The following C15orf39 variants were observed in gnomAD, a reference collection of about 807,000 sequenced individuals.
C15orf39 encodes the protein PRMT2 interacting protein.
Under a neutral mutation model 53.9 loss-of-function variants are expected in C15orf39, and 24 were observed. That is an observed-to-expected ratio of 0.45 (90% confidence interval 0.32 to 0.63). The LOEUF is 0.63. C15orf39 is among the 20% of genes least tolerant of loss of function. C15orf39 has a pLI of 0.04. For synonymous variants in C15orf39, 569 were observed against 576.5 expected (o/e 0.99, Z 0.19); for missense variants, 1,271 against 1,347.9 (o/e 0.94, Z 0.89).
Position 75,206,479 on chromosome 15 carries a change from C to T in C15orf39, c.431C>T (p.Thr144Ile). 1 of 1,614,106 alleles carries T rather than the reference C, an allele frequency of 6.2e-7. No individual in the cohort carries two copies. The highest frequency in any genetic ancestry group is 8.5e-7 in the Non-Finnish European group (1 of 1,179,990). The change falls in exon 2 of 3, where the codon ACT becomes ATT. Residue 144 changes from threonine to isoleucine, a missense_variant. This residue lies in a region of C15orf39 where 994 missense variants were observed against 993.7 expected (regional missense o/e 1.00). Transcript: ENST00000394987. ...AACCCTCTGTGCTATGGGCTCTCAA[C>T]TTGTCTGGGGGAAGGAGCAGTGAAG... ...YRNPLCYGLS[T>I]CLGEGAVKRP...
Position 75,208,233 on chromosome 15 carries a change from C to T in C15orf39, c.2185C>T (p.Pro729Ser), listed in dbSNP as rs138214154. The T allele has an allele frequency of 8.9e-5, 143 of 1,610,736 alleles. No homozygotes were observed. The highest frequency in any genetic ancestry group is 1.2e-4 in the Non-Finnish European group (139 of 1,178,564). Reference protein sequence around the residue: ...PAPAPAPSPAPARAQAPASAR... With the variant: ...PAPAPAPSPASARAQAPASAR... ...CCCTGCTCCAGCTCCATCCCCTGCTCCGGCTCGAGCTCAGGCTCCAGCTTC... is the reference window on the plus strand; with the variant it reads ...CCCTGCTCCAGCTCCATCCCCTGCTTCGGCTCGAGCTCAGGCTCCAGCTTC... Residue 729 changes from proline (P) to serine (S), a missense_variant, in exon 2 of 3, where the codon CCG (proline) becomes TCG (serine). Pro to Ser is a moderately conservative substitution (Grantham distance 74). Around this residue, in one of 2 missense-constraint regions of C15orf39, gnomAD observed 994 missense variants for 993.7 expected, o/e 1.00. Coordinates refer to ENST00000394987, the MANE Select transcript of C15orf39 (RefSeq NM_015492.5).
chr15:75,210,196 C>G (rs1042387176), intron 2 of C15orf39, among the ~76,000 whole-genome samples: 1 of 152,172 alleles, frequency 6.6e-6, no homozygotes, highest in Non-Finnish European at 1.5e-5. Context: ...TGGCTTCTGG[C>G]TGAATTTTGT....
chr15:75,201,019 T>G (rs936589591), upstream of C15orf39, among the ~76,000 whole-genome samples: 3 of 152,074 alleles, frequency 2.0e-5, no homozygotes, highest in Non-Finnish European at 4.4e-5. This position sits in a 1 kb window ranked among gnomAD's most constrained non-coding sequence, Gnocchi z 4.7. Context: ...GACTCTGACC[T>G]TTGGCATGTC....
At chr15:75,201,308 A>C (rs2070399696), upstream of C15orf39, among the ~76,000 whole-genome samples, 2 of 151,906 alleles carry the variant, frequency 1.3e-5, no homozygotes, top group South Asian at 4.2e-4. The surrounding 1 kb of genome is among the most constrained non-coding windows in gnomAD (Gnocchi z 4.7). Flanking sequence ...ATCCCCCAGC[A>C]CCCTCATTCC....
Position 75,208,770 on chromosome 15 carries a change from A to G in C15orf39, c.2722A>G (p.Ile908Val), listed in dbSNP as rs766531575. ...ACTGGCGCTGCGCCAGCTGCCGGACATTTACCCCGACCTTCTCGGCCTGCA... is the reference window on the plus strand; with the variant it reads ...ACTGGCGCTGCGCCAGCTGCCGGACGTTTACCCCGACCTTCTCGGCCTGCA... ...KLLALRQLPD[I>V]YPDLLGLQWR... The change falls in exon 2 of 3, where the codon ATT (isoleucine) becomes GTT (valine). Residue 908 changes from isoleucine to valine, a missense_variant. Ile to Val is a conservative substitution (Grantham distance 29). Transcript: ENST00000394987. The G allele has an allele frequency of 1.2e-6, 2 of 1,607,946 alleles. No homozygotes were observed. Among genetic ancestry groups the G allele is most frequent in the Non-Finnish European group, 1.7e-6 (2 of 1,179,714 alleles).
intron 1 of C15orf39, among the ~76,000 whole-genome samples, chr15:75,203,440 T>C (rs1255806307): frequency 6.6e-6 from 1 of 152,192 alleles, no homozygotes; most frequent in Admixed American, 6.5e-5. Flanking sequence ...CACCTACATT[T>C]TGGCAACTGT....
In C15orf39 at chr15:75,208,785, C is replaced by T; in HGVS notation, c.2737C>T (p.Leu913Phe). ...GCTGCCGGACATTTACCCCGACCTTCTCGGCCTGCAGTGGCGCGACTGTGT... is the reference window on the plus strand; with the variant it reads ...GCTGCCGGACATTTACCCCGACCTTTTCGGCCTGCAGTGGCGCGACTGTGT... ...RQLPDIYPDL[L>F]GLQWRDCVRR... The change falls in exon 2 of 3, where the codon CTC (leucine) becomes TTC (phenylalanine). Residue 913 changes from leucine (L) to phenylalanine (F), a missense_variant. By Grantham distance (22) the Leu-to-Phe change is conservative (BLOSUM62 0). Coordinates refer to ENST00000394987, the MANE Select transcript of C15orf39 (RefSeq NM_015492.5). 4 of 1,607,556 alleles carry T rather than the reference C, an allele frequency of 2.5e-6. No homozygotes were observed. Among genetic ancestry groups the T allele is most frequent in the Non-Finnish European group, 3.4e-6 (4 of 1,179,470 alleles).
At position 75,206,129 on chromosome 15, in the gene C15orf39, C is replaced by G. The variant is rs751767197; in HGVS notation, c.81C>G (p.Leu27=). 5 of 1,613,862 alleles carry G rather than the reference C, an allele frequency of 3.1e-6. No homozygotes were observed. The highest frequency in any genetic ancestry group is 3.4e-6 in the Non-Finnish European group (4 of 1,179,904). ...CCCGCTTAGAGACAGACTCCGGGCT[C>G]GAGCACAGCCTGCCCCACTCTGTTG... ...KLPRLETDSG[L]EHSLPHSVGN... Residue 27 remains leucine (L), a synonymous_variant, in exon 2 of 3, where the codon CTC becomes CTG. Transcript: ENST00000394987.
Position 75,211,446 on chromosome 15 carries a change from A to C in C15orf39, c.*330A>C. 5 of 273,500 alleles carry C rather than the reference A, an allele frequency of 1.8e-5. No homozygotes were observed. The highest frequency in any genetic ancestry group is 6.7e-5 in the East Asian group (1 of 14,868). 16.9% of individuals were successfully genotyped at this position (273,500 alleles called of 1,614,324 possible). A position where few individuals can be genotyped will look rare whatever the true frequency, so the allele number is the denominator to read the frequency against. On this transcript the variant is annotated 3_prime_UTR_variant, in exon 3 of 3. Transcript: ENST00000394987. ...CACCTCTGCTGAGCCCTCATTCCCC[A>C]TGTGTAAAATGGGACAACGCAACCT... is the stretch of plus-strand genomic sequence containing the variant.
chr15:75,209,585 T>G (rs1486593500), intron 2 of C15orf39: 1 of 152,282 alleles, frequency 6.6e-6, no homozygotes, highest in East Asian at 1.9e-4. Context: ...CGAAGTGTTG[T>G]GTGGCGTGTA....
At position 75,206,047 on chromosome 15, in the gene C15orf39, C is replaced by A. The variant is rs751754386; in HGVS notation, c.-2C>A. 1 of 1,593,154 alleles carries A rather than the reference C, an allele frequency of 6.3e-7. No individual in the cohort carries two copies. On this transcript the variant is annotated 5_prime_UTR_variant, in exon 2 of 3. Coordinates refer to ENST00000394987, the MANE Select transcript of C15orf39 (RefSeq NM_015492.5). ...CTAGGAGGGCTCGAAGCCTTCACAG[C>A]GATGGCAGAGAAGCGACCCCTGAGA...
chr15:75,208,433 G>A lies in C15orf39; in HGVS notation c.2385G>A (p.Glu795=), dbSNP rs761254612. The change falls in exon 2 of 3, where the codon GAG becomes GAA. Residue 795 remains glutamate, a synonymous_variant. Transcript: ENST00000394987. ...CAGAGAAGCTTCGCGAGTGGCTAGA[G>A]ACGGCTGGGCCCTGGGGCCAGGCTG... is the stretch of plus-strand genomic sequence containing the variant. The part of the protein sequence containing the change: ...SPPEKLREWL[E]TAGPWGQAAW... 2.5e-6 allele frequency: 4 copies of A among 1,605,700 alleles called. No individual in the cohort carries two copies. The South Asian group carries it at 4.4e-5, about 18-fold the overall frequency.
chr15:75,203,682 AC>A (rs1190269463), intron 1 of C15orf39, among the ~76,000 whole-genome samples: 5 of 152,118 alleles, frequency 3.3e-5, no homozygotes, highest in Non-Finnish European at 4.4e-5. Context: ...ATGGGCTGAG[AC>A]CCAGGAGAGA....
chr15:75,201,181 C>G (rs576206379), upstream of C15orf39, among the ~76,000 whole-genome samples: 4 of 152,286 alleles, frequency 2.6e-5, no homozygotes, highest in East Asian at 3.9e-4. The surrounding 1 kb of genome is among the most constrained non-coding windows in gnomAD (Gnocchi z 4.7). Flanking sequence ...CCCCTTCCCC[C>G]CTCCAGCCTC....
chr15:75,199,976 T>C (rs1265399823), upstream of C15orf39, among the ~76,000 whole-genome samples: 1 of 152,106 alleles, frequency 6.6e-6, no homozygotes, highest in Non-Finnish European at 1.5e-5. Context: ...CGACCATTGG[T>C]ATAGGGAGGA....
upstream of C15orf39, among the ~76,000 whole-genome samples, chr15:75,200,525 G>C (rs146701926): frequency 0.016 from 2,386 of 152,308 alleles, 60 homozygotes; most frequent in African/African-American, 0.053. Context: ...GGCGAGCAGA[G>C]TTGGTAAGGG....
chr15:75,202,635 G>T (rs2070412244), intron 1 of C15orf39, among the ~76,000 whole-genome samples: 1 of 152,226 alleles, frequency 6.6e-6, no homozygotes, highest in Non-Finnish European at 1.5e-5. Context: ...CCCCTGTTCC[G>T]GGACCTCCCG....
At chr15:75,203,766 T>C (rs2070420450) in intron 1 of C15orf39, among the ~76,000 whole-genome samples, 1 of 152,044 alleles carries the variant, frequency 6.6e-6, no homozygotes, top group Non-Finnish European at 1.5e-5. Context: ...CCAAAGTCAG[T>C]ACTTAACCCA....
rs2070445054 is a variant in C15orf39 at position 75,207,068 on chromosome 15, G to A, written c.1020G>A (p.Leu340=). 2.5e-6 allele frequency: 4 copies of A among 1,610,816 alleles called. No homozygotes were observed. The highest frequency in any genetic ancestry group is 3.4e-6 in the Non-Finnish European group (4 of 1,178,636). ...AQAPYIPPLG[L]DAYPYPSAPL... Reference sequence around the variant, plus strand: ...CACCTTACATTCCCCCACTGGGGCTGGACGCTTACCCCTACCCCTCTGCCC... The same window carrying A: ...CACCTTACATTCCCCCACTGGGGCTAGACGCTTACCCCTACCCCTCTGCCC... The change falls in exon 2 of 3, where the codon CTG becomes CTA. Residue 340 remains leucine (L), a synonymous_variant. Coordinates refer to ENST00000394987, the MANE Select transcript of C15orf39 (RefSeq NM_015492.5).
Sources: gnomAD v4.1 joint callset for allele counts (sites outside exome capture counted in the v4.1 genomes callset) on GRCh38, gnomAD v4.1.1 for gene constraint, gnomAD v4.1.1 regional missense constraint, Gnocchi (gnomAD v3.1) non-coding constraint, MANE v1.5 for transcripts, NCBI Gene and HGNC (gene_info 2026-07-23, HGNC 2026-07-21) for gene names.